The following TENM1 variants were observed in gnomAD, a reference collection of about 807,000 sequenced individuals.
TENM1 encodes teneurin-1.
In TENM1, 35 loss-of-function variants were observed where a neutral mutation model predicts 174.8. The observed-to-expected ratio is 0.20, with a 90% confidence interval of 0.15 to 0.27. The LOEUF is 0.27. TENM1 is among the 10% of genes least tolerant of loss of function. The pLI is 1.00. For missense variants in TENM1, 1,633 were observed against 2,130.1 expected, an observed-to-expected ratio of 0.77 and a Z score of 4.59; for synonymous variants, 781 against 798.7, an observed-to-expected ratio of 0.98 and a Z score of 0.37.
At chrX:125,138,036 A>G in the TENM1 span, among the ~76,000 whole-genome samples, 1 of 111,095 alleles carries the variant, frequency 9.0e-6, no homozygotes. Flanking sequence ...CTTTCTGTGT[A>G]AAGTCCAGAA....
the TENM1 span, among the ~76,000 whole-genome samples, chrX:124,974,888 C>CTATATATATA: frequency 1.2e-4 from 9 of 72,751 alleles, no homozygotes; most frequent in East Asian, 3.4e-4. Flanking sequence ...GGGACTGACA[C>CTATATATATA]TATATATATA....
At chrX:125,088,760 G>T in the TENM1 span, among the ~76,000 whole-genome samples, 1 of 110,320 alleles carries the variant, frequency 9.1e-6, no homozygotes, top group African/African-American at 3.3e-5. Flanking sequence ...TACGGTATTT[G>T]GGTGATGATT....
chrX:124,579,671 A>G (rs1237165999), intron 11 of TENM1, among the ~76,000 whole-genome samples: 1 of 112,300 alleles, frequency 8.9e-6, no homozygotes, highest in East Asian at 2.8e-4. Flanking sequence ...TGATGAAGGC[A>G]GGAACTAGGT....
intron 3 of TENM1, among the ~76,000 whole-genome samples, chrX:124,754,423 C>G (rs2054171515): frequency 9.0e-6 from 1 of 111,396 alleles, no homozygotes; most frequent in African/African-American, 3.3e-5. Context: ...TTTTGTTGAT[C>G]CTATCAAAAC....
chrX:125,036,470 G>A, the TENM1 span, among the ~76,000 whole-genome samples: 25 of 111,592 alleles, frequency 2.2e-4, no homozygotes, highest in African/African-American at 7.1e-4. Context: ...CAAAGACTGT[G>A]TAGAGTTTGG....
rs761413533 is a variant in TENM1 at position 124,719,513 on chromosome X, A to C, written c.777-14262T>G. 3.0e-4 allele frequency among the ~76,000 whole-genome samples: 33 copies of C among 111,792 alleles called. No homozygotes were observed. The South Asian group carries it at 7.9e-3, about 27-fold the overall frequency. On this transcript the variant is annotated intron_variant, in intron 4 of 31. Coordinates refer to ENST00000422452, the Ensembl canonical transcript of TENM1. ...AACTCCTCTTAGGTTAGGTCACTTA[A>C]GAAACAGTCAAATTCAGCTTTGTGC...
the TENM1 span, among the ~76,000 whole-genome samples, chrX:124,979,717 A>C: frequency 9.0e-6 from 1 of 110,810 alleles, no homozygotes; most frequent in African/African-American, 3.3e-5. Context: ...AAAATACAGA[A>C]TGTGAGAAAA....
chrX:124,533,371 G>A (rs10521726), intron 15 of TENM1, among the ~76,000 whole-genome samples: 9,159 of 111,288 alleles, frequency 0.082, 271 homozygotes, highest in South Asian at 0.13. Context: ...AGCCTGTATA[G>A]TTCATTTTTT....
the TENM1 span, among the ~76,000 whole-genome samples, chrX:124,977,777 T>C: frequency 1.8e-4 from 20 of 110,982 alleles, no homozygotes; most frequent in Non-Finnish European, 3.0e-4. Context: ...GGTTTATCCA[T>C]ATTGTAGTGT....
At chrX:124,793,117 G>A (rs942449707) in intron 3 of TENM1, among the ~76,000 whole-genome samples, 3 of 111,666 alleles carry the variant, frequency 2.7e-5, no homozygotes, top group Non-Finnish European at 5.7e-5. Flanking sequence ...AATGTGCCAG[G>A]CAGGAAAATA....
the TENM1 span, among the ~76,000 whole-genome samples, chrX:125,115,878 C>T: frequency 7.5e-5 from 8 of 106,025 alleles, no homozygotes; most frequent in East Asian, 2.9e-4. Flanking sequence ...CACAGAATTA[C>T]GAAAAAAAAA....
chrX:124,452,159 C>A (rs772041073), intron 23 of TENM1, among the ~76,000 whole-genome samples: 1 of 112,428 alleles, frequency 8.9e-6, no homozygotes, highest in East Asian at 2.8e-4. Context: ...CTACAAAGAA[C>A]TCAAACAAAT....
chrX:125,082,254 G>T, the TENM1 span, among the ~76,000 whole-genome samples: 2 of 110,435 alleles, frequency 1.8e-5, no homozygotes, highest in Non-Finnish European at 3.8e-5. Context: ...CTAGAATATG[G>T]CAATAACTTC....
the TENM1 span, among the ~76,000 whole-genome samples, chrX:125,103,186 A>G: frequency 1.8e-5 from 2 of 111,952 alleles, no homozygotes; most frequent in African/African-American, 3.2e-5. Context: ...TCTAATTTTT[A>G]AAAACCCAAT....
At chrX:124,960,369 C>A (rs764461642) in intron 1 of TENM1, among the ~76,000 whole-genome samples, 1 of 111,911 alleles carries the variant, frequency 8.9e-6, no homozygotes, top group Non-Finnish European at 1.9e-5. Context: ...TCCACAGCAC[C>A]TTTTTTATCT....
the TENM1 span, among the ~76,000 whole-genome samples, chrX:125,078,736 A>C: frequency 8.9e-6 from 1 of 111,881 alleles, no homozygotes; most frequent in Non-Finnish European, 1.9e-5. Context: ...CAGAAAATAA[A>C]GTGTATTGCT....
At chrX:125,087,171 T>C in the TENM1 span, among the ~76,000 whole-genome samples, 11 of 111,163 alleles carry the variant, frequency 9.9e-5, no homozygotes, top group Non-Finnish European at 2.1e-4. Flanking sequence ...AGTTTTTTTC[T>C]CAGAATCATT....
At chrX:124,604,902 T>C (rs776400036) in intron 11 of TENM1, among the ~76,000 whole-genome samples, 3 of 109,307 alleles carry the variant, frequency 2.7e-5, no homozygotes, top group African/African-American at 9.9e-5. Context: ...ATAGACGACG[T>C]TTATGAAAGT....
chrX:124,886,395 A>T (rs2147535032), intron 3 of TENM1, among the ~76,000 whole-genome samples: 1 of 109,679 alleles, frequency 9.1e-6, no homozygotes, highest in East Asian at 2.8e-4. Flanking sequence ...TATATTACAC[A>T]TATGCATACC....
Sources: allele counts gnomAD v4.1 joint callset (sites outside exome capture counted in the v4.1 genomes callset), GRCh38; gene constraint gnomAD v4.1.1; transcripts MANE v1.5; gene names NCBI Gene and HGNC (gene_info 2026-07-23, HGNC 2026-07-21).